NHS: variants seen among roughly 807,000 people sequenced by gnomAD.
The protein encoded by NHS is NHS actin remodeling regulator.
In NHS, 5 loss-of-function variants were observed where a neutral mutation model predicts 72.5. That is an observed-to-expected ratio of 0.07 (90% confidence interval 0.04 to 0.14). The LOEUF is 0.14. Among genes scored for constraint, NHS ranks in the 10% least tolerant of loss-of-function variants. NHS has a pLI of 1.00. For missense variants in NHS, 1,072 were observed against 1,355.7 expected (o/e 0.79, Z 3.29); for synonymous variants, 464 against 547.7 (o/e 0.85, Z 2.13).
intron 1 of NHS, chrX:17,528,444 T>C (rs1001968838): frequency 6.2e-5 from 7 of 112,049 alleles, no homozygotes; most frequent in Admixed American, 4.7e-4. Context: ...AGGAGAAAAT[T>C]TTTCCTTAAG....
chrX:17,625,413 C>T (rs954006835), intron 1 of NHS, among the ~76,000 whole-genome samples: 5 of 111,912 alleles, frequency 4.5e-5, no homozygotes, highest in Admixed American at 9.5e-5. Context: ...AGAACCACTG[C>T]CCTAGAACAC....
chrX:17,385,819 A>G (rs188938339), intron 1 of NHS, among the ~76,000 whole-genome samples: 170 of 112,560 alleles, frequency 1.5e-3, no homozygotes, highest in African/African-American at 5.2e-3. Context: ...TGCTGGATCT[A>G]AAGATATCTG....
rs191080582 is a variant in NHS, at chrX:17,663,972, T to C, written c.566-23770T>C. Among the ~76,000 whole-genome samples, 10 of 112,090 alleles carry C rather than the reference T, an allele frequency of 8.9e-5. No individual in the cohort carries two copies. In the East Asian group the frequency reaches 2.8e-3, roughly 31 times the overall value. The stretch of plus-strand genomic sequence containing the variant: ...AAATAATGCTGAACACCTTTTCACG[T>C]GCTTAGTAGACATTCATATATCTTG... On this transcript the variant is annotated intron_variant, in intron 1 of 8. Coordinates refer to ENST00000676302, the MANE Select transcript of NHS (RefSeq NM_001291867.2).
chrX:17,698,985 T>C (rs1441948801), intron 3 of NHS, among the ~76,000 whole-genome samples: 1 of 111,464 alleles, frequency 9.0e-6, no homozygotes, highest in African/African-American at 3.3e-5. Context: ...TTTACAGCAA[T>C]AACAAAGAAG....
At chrX:17,386,712 T>C (rs1172517989) in intron 1 of NHS, among the ~76,000 whole-genome samples, 1 of 106,197 alleles carries the variant, frequency 9.4e-6, no homozygotes, top group East Asian at 2.9e-4. Context: ...ATGTCCCTAA[T>C]GTGGTCCTTG....
chrX:17,719,605 T>C (rs1053033698), intron 4 of NHS, among the ~76,000 whole-genome samples, 199 bp downstream of exon 4: 4 of 110,761 alleles, frequency 3.6e-5, no homozygotes, highest in Non-Finnish European at 7.6e-5. Context: ...TTTGCCTTTT[T>C]CCCCCATTCA....
rs751942992 is a variant in NHS at position 17,598,757 on chromosome X, C to T, written c.566-88985C>T. Among the ~76,000 whole-genome samples the T allele has an allele frequency of 5.4e-5, 6 of 111,490 alleles. No homozygotes were observed. The East Asian group carries it at 1.4e-3, about 26-fold the overall frequency. On this transcript the variant is annotated intron_variant, in intron 1 of 8. Transcript: ENST00000676302. ...TTGACCTTTCTTTCCCCAAAGAAAA[C>T]GTGGATTGCTTTCATAAAATGGTAT...
intron 1 of NHS, among the ~76,000 whole-genome samples, chrX:17,621,365 C>T (rs2065773117): frequency 8.9e-6 from 1 of 111,743 alleles, no homozygotes; most frequent in Non-Finnish European, 1.9e-5. Flanking sequence ...ATCTGAGGTA[C>T]CCATGACATT....
intron 3 of NHS, among the ~76,000 whole-genome samples, chrX:17,693,485 T>C (rs775539596): frequency 8.9e-6 from 1 of 112,021 alleles, no homozygotes; most frequent in Non-Finnish European, 1.9e-5. Context: ...TTATTAGAAA[T>C]TAAAATTGCG....
At chrX:17,496,823 C>T (rs1347327199) in intron 1 of NHS, among the ~76,000 whole-genome samples, 3 of 112,138 alleles carry the variant, frequency 2.7e-5, no homozygotes, top group Non-Finnish European at 5.6e-5. Flanking sequence ...CCCAGGATCC[C>T]GCTTTCCATA....
At chrX:17,473,090 A>T (rs2064899209) in intron 1 of NHS, among the ~76,000 whole-genome samples, 1 of 112,215 alleles carries the variant, frequency 8.9e-6, no homozygotes. Context: ...CAAGTCAGGA[A>T]GCAAGCGTGT....
chrX:17,446,645 G>A (rs1310684286), intron 1 of NHS, among the ~76,000 whole-genome samples: 1 of 99,860 alleles, frequency 1.0e-5, no homozygotes, highest in African/African-American at 4.0e-5. Context: ...GAAATAAACA[G>A]CCTTTTTGCC....
chrX:17,680,403 A>AT (rs762606133), intron 1 of NHS, among the ~76,000 whole-genome samples: 12 of 112,499 alleles, frequency 1.1e-4, no homozygotes, highest in Admixed American at 4.7e-4. Flanking sequence ...TCAGCACATG[A>AT]AAGGAGTGGC....
intron 1 of NHS, among the ~76,000 whole-genome samples, chrX:17,440,340 AG>A (rs1208760930): frequency 9.1e-6 from 1 of 109,611 alleles, no homozygotes; most frequent in Non-Finnish European, 1.9e-5. Flanking sequence ...TATGGGTCAC[AG>A]TCAACAAATG....
At chrX:17,379,617 A>G (rs2064365451) in intron 1 of NHS, among the ~76,000 whole-genome samples, 1 of 111,150 alleles carries the variant, frequency 9.0e-6, no homozygotes, top group Non-Finnish European at 1.9e-5. Flanking sequence ...TCTACTAAAA[A>G]TACAAAAATT....
Position 17,388,898 on chromosome X carries a change from G to A in NHS, c.565+12576G>A, listed in dbSNP as rs1021842065. Among the ~76,000 whole-genome samples the A allele has an allele frequency of 2.7e-5, 3 of 110,433 alleles. No homozygotes were observed. The South Asian group carries it at 1.2e-3, about 43-fold the overall frequency. ...GGTGGTCTGGTAAAAGTATTGAGAA[G>A]TAGAGCTGTTGATGGTTGTTTCATG... On this transcript the variant is annotated intron_variant, in intron 1 of 8. Coordinates refer to ENST00000676302, the MANE Select transcript of NHS (RefSeq NM_001291867.2).
At chrX:17,411,073 T>C (rs1010558247) in intron 1 of NHS, among the ~76,000 whole-genome samples, 1 of 112,069 alleles carries the variant, frequency 8.9e-6, no homozygotes, top group African/African-American at 3.2e-5. Flanking sequence ...AGGTGGTGAT[T>C]TTGGCTAAGT....
intron 1 of NHS, among the ~76,000 whole-genome samples, chrX:17,600,313 AGT>A (rs1556015851): frequency 9.1e-6 from 1 of 109,472 alleles, no homozygotes; most frequent in Admixed American, 9.8e-5. Context: ...AGAGAGAGAG[AGT>A]GAGTTGGGGA....
At chrX:17,714,328 T>TTGAA (rs1238183633) in intron 3 of NHS, among the ~76,000 whole-genome samples, 1 of 111,112 alleles carries the variant, frequency 9.0e-6, no homozygotes, top group African/African-American at 3.3e-5. Flanking sequence ...ATAAATGATC[T>TTGAA]TGAATGAATG....
Sources: gnomAD v4.1 joint callset for allele counts (sites outside exome capture counted in the v4.1 genomes callset) on GRCh38, gnomAD v4.1.1 for gene constraint, MANE v1.5 for transcripts, NCBI Gene and HGNC (gene_info 2026-07-23, HGNC 2026-07-21) for gene names.